SNX22: variants seen among roughly 807,000 people sequenced by gnomAD.
SNX22 encodes sorting nexin 22, also known as sorting nexin-22.
In SNX22, 23 loss-of-function variants were observed where a neutral mutation model predicts 24.7. That is an observed-to-expected ratio of 0.93 (90% CI 0.67 to 1.32). The LOEUF (loss-of-function observed/expected upper bound fraction) is 1.32, where lower values mean the gene tolerates loss of function less well. Ranked by LOEUF, SNX22 falls within the 40% of genes most tolerant of loss-of-function variation. The pLI, the probability that SNX22 is intolerant of heterozygous loss-of-function variation, is 0.00. For synonymous variants in SNX22, 99 were observed against 104.0 expected, an observed-to-expected ratio of 0.95 and a Z score of 0.29; for missense variants, 261 against 249.9, an observed-to-expected ratio of 1.04 and a Z score of -0.30.
rs1402657721 is a variant in SNX22 at position 64,154,817 on chromosome 15, C to T, written c.*309C>T. 8.9e-6 allele frequency: 2 copies of T among 225,976 alleles called. No individual in the cohort carries two copies. The highest frequency in any genetic ancestry group is 8.9e-6 in the Non-Finnish European group (1 of 112,976). The allele number at this position is 225,976 out of a possible 1,614,324, so 14.0% of individuals were successfully genotyped here. On this transcript the variant is annotated 3_prime_UTR_variant, in exon 7 of 7. Transcript: ENST00000325881. ...CTTTGGGAGGCCAAGATGGGTGGAT[C>T]ACCTGAAGTCAGGAGTTCGAGACCA... is the stretch of plus-strand genomic sequence containing the variant.
Position 64,157,052 on chromosome 15 carries a change from T to A in SNX22, c.*2544T>A. 1.1e-6 allele frequency: 1 copy of A among 892,474 alleles called. No individual in the cohort carries two copies. Among genetic ancestry groups the A allele is most frequent in the Non-Finnish European group, 1.7e-6 (1 of 594,364 alleles). The allele number at this position is 892,474 out of a possible 1,614,324, so 55.3% of individuals were successfully genotyped here. On this transcript the variant is annotated 3_prime_UTR_variant, in exon 7 of 7. Coordinates refer to ENST00000325881, the MANE Select transcript of SNX22 (RefSeq NM_024798.3). The surrounding 1 kb of genome is among the most constrained non-coding windows in gnomAD (Gnocchi z 4.2). ...CTACAAGGACATAAAAGCAGCGTCC[T>A]TCCTATCTTCTGGCCTCAGAGCCAA...
rs2081519404 is a variant in SNX22 at position 64,155,248 on chromosome 15, C to A, written c.*740C>A. 6.6e-6 allele frequency: 1 copy of A among 152,214 alleles called. No homozygotes were observed. The highest frequency in any genetic ancestry group is 1.5e-5 in the Non-Finnish European group (1 of 68,280). The allele number at this position is 152,214 out of a possible 1,614,324, so 9.4% of individuals were successfully genotyped here. On this transcript the variant is annotated 3_prime_UTR_variant, in exon 7 of 7. Transcript: ENST00000325881. ...AAAGTGCTGGGATTACGGGCGTGAG[C>A]CACCGTGCTCGGCCCAAGGCAGGAG...
Position 64,155,787 on chromosome 15 carries a change from C to T in SNX22, c.*1279C>T, listed in dbSNP as rs2081524634. ...GGATGTAGGCCTAGGGGAGGTGCTG[C>T]AGGCTCAAGAACCAGGCCCACACAT... On this transcript the variant is annotated 3_prime_UTR_variant, in exon 7 of 7. Coordinates refer to ENST00000325881, the MANE Select transcript of SNX22 (RefSeq NM_024798.3). 2.0e-6 allele frequency: 1 copy of T among 510,250 alleles called. No individual in the cohort carries two copies. Among genetic ancestry groups the T allele is most frequent in the Non-Finnish European group, 3.5e-6 (1 of 287,530 alleles). The allele number at this position is 510,250 out of a possible 1,614,324, so 31.6% of individuals were successfully genotyped here. A position where few individuals can be genotyped will look rare whatever the true frequency, so the allele number is the denominator to read the frequency against.
Position 64,156,481 on chromosome 15 carries a change from TGAA to T in SNX22, c.*1975_*1977del. ...GGGGTGGGACCAGCACGTCACTGAGTGAAGGAGGGGAGGGAGGCTCTGGCAGTT... is the reference window on the plus strand; with the variant it reads ...GGGGTGGGACCAGCACGTCACTGAGTGGAGGGGAGGGAGGCTCTGGCAGTT... On this transcript the variant is annotated 3_prime_UTR_variant, in exon 7 of 7. Transcript: ENST00000325881. This position sits in a 1 kb window ranked among gnomAD's most constrained non-coding sequence, Gnocchi z 6.4. 1.6e-6 allele frequency: 1 copy of T among 626,600 alleles called. No homozygotes were observed. Among genetic ancestry groups the T allele is most frequent in the South Asian group, 1.9e-5 (1 of 53,280 alleles). The allele number at this position is 626,600 out of a possible 1,614,324, so 38.8% of individuals were successfully genotyped here.
In SNX22 at chr15:64,151,735, C is replaced by T. The variant is rs761785659; in HGVS notation, c.-41C>T. On this transcript the variant is annotated 5_prime_UTR_variant, in exon 1 of 7. Transcript: ENST00000325881. ...TCAGTCCGCTCCGGGAGAGTTAGGG[C>T]TCCGAGCCGAGCGCGCGGAGCAGCT... The T allele has an allele frequency of 1.1e-4, 173 of 1,520,358 alleles. No individual in the cohort carries two copies. Among genetic ancestry groups the T allele is most frequent in the Non-Finnish European group, 1.4e-4 (163 of 1,136,812 alleles). 94.2% of individuals were successfully genotyped at this position (1,520,358 alleles called of 1,614,324 possible).
At position 64,154,568 on chromosome 15, in the gene SNX22, C is replaced by T; in HGVS notation, c.*60C>T. On this transcript the variant is annotated 3_prime_UTR_variant, in exon 7 of 7. Coordinates refer to ENST00000325881, the MANE Select transcript of SNX22 (RefSeq NM_024798.3). ...GTCATGTGCCTCTGTCCTATGAACTCCATATAAGGCTGGGTCCTCCTTTGG... is the reference window on the plus strand; with the variant it reads ...GTCATGTGCCTCTGTCCTATGAACTTCATATAAGGCTGGGTCCTCCTTTGG... 1 of 1,587,330 alleles carries T rather than the reference C, an allele frequency of 6.3e-7. No homozygotes were observed. The highest frequency in any genetic ancestry group is 1.1e-5 in the South Asian group (1 of 88,832).
chr15:64,152,190 G>T, intron 1 of SNX22, 53 bp from the exon 2 acceptor site: 1 of 1,349,848 alleles, frequency 7.4e-7, no homozygotes, highest in Non-Finnish European at 9.5e-7. Context: ...AGGTGCTGCG[G>T]CGTCCTCCCG....
In SNX22 at chr15:64,151,809, G is replaced by A; in HGVS notation, c.34G>A (p.Glu12Lys). 1 of 1,538,332 alleles carries A rather than the reference G, an allele frequency of 6.5e-7. No individual in the cohort carries two copies. Among genetic ancestry groups the A allele is most frequent in the Non-Finnish European group, 8.7e-7 (1 of 1,144,360 alleles). Residue 12 changes from glutamate to lysine, a missense_variant, in exon 1 of 7, where the codon GAG becomes AAG. By Grantham distance (56) the Glu-to-Lys change is moderately conservative. Coordinates refer to ENST00000325881, the MANE Select transcript of SNX22 (RefSeq NM_024798.3). ...LEVHIPSVGP[E>K]AEGPRQSPEK... ...AGTTCACATCCCGTCGGTGGGGCCC[G>A]AGGCCGAGGGGCCCAGGCAGAGCCC...
chr15:64,152,860 C>A, intron 3 of SNX22, 118 bp downstream of exon 3: 3 of 809,648 alleles, frequency 3.7e-6, no homozygotes, highest in Non-Finnish European at 4.0e-6. Context: ...TTATTCACCA[C>A]CTCAAGCATC....
At position 64,156,106 on chromosome 15, in the gene SNX22, G is replaced by C; in HGVS notation, c.*1598G>C. 1.9e-6 allele frequency: 3 copies of C among 1,614,180 alleles called. No homozygotes were observed. Among genetic ancestry groups the C allele is most frequent in the Non-Finnish European group, 2.5e-6 (3 of 1,180,032 alleles). On this transcript the variant is annotated 3_prime_UTR_variant, in exon 7 of 7. Transcript: ENST00000325881. This position sits in a 1 kb window ranked among gnomAD's most constrained non-coding sequence, Gnocchi z 6.4. Reference sequence around the variant, plus strand: ...ATCACATCCTTCAGGGGTTTATCCCGGCTGTCTGTCTTGGTGCTCTCCACC... The same window carrying C: ...ATCACATCCTTCAGGGGTTTATCCCCGCTGTCTGTCTTGGTGCTCTCCACC...
rs1206831007 is a variant in SNX22 at position 64,152,283 on chromosome 15, C to G, written c.116C>G (p.Thr39Arg). The G allele has an allele frequency of 3.3e-6, 5 of 1,492,562 alleles. No homozygotes were observed. The East Asian group carries it at 1.3e-4, about 40-fold the overall frequency. The allele number at this position is 1,492,562 out of a possible 1,614,324, so 92.5% of individuals were successfully genotyped here. ...GTGCTGTGCAGCGGGCGCAGACACACGGTGCCAAGGCGCTACAGCGAGTTC... is the reference window on the plus strand; with the variant it reads ...GTGCTGTGCAGCGGGCGCAGACACAGGGTGCCAAGGCGCTACAGCGAGTTC... The part of the protein sequence containing the change: ...VEVLCSGRRH[T>R]VPRRYSEFHA... Residue 39 changes from threonine to arginine, a missense_variant, in exon 2 of 7, where the codon ACG (threonine) becomes AGG (arginine). Coordinates refer to ENST00000325881, the MANE Select transcript of SNX22 (RefSeq NM_024798.3).
chr15:64,151,904 C>T, intron 1 of SNX22, 54 bp downstream of exon 1: 1 of 1,483,432 alleles, frequency 6.7e-7, no homozygotes, highest in Admixed American at 2.1e-5. Flanking sequence ...GATTTCCCCG[C>T]GCTGCGCTCA....
At position 64,156,969 on chromosome 15, in the gene SNX22, CG is replaced by C; in HGVS notation, c.*2465del. ...GATTGCGCCAAACCAAGCAGACATT[CG>C]GGGCCAGGACTGAGGGGGCTTAACC... On this transcript the variant is annotated 3_prime_UTR_variant, in exon 7 of 7. Coordinates refer to ENST00000325881, the MANE Select transcript of SNX22 (RefSeq NM_024798.3). The surrounding 1 kb of genome is among the most constrained non-coding windows in gnomAD (Gnocchi z 6.4). The C allele has an allele frequency of 2.6e-6, 4 of 1,564,544 alleles. 1 individual carries two copies. In the South Asian group the frequency reaches 3.4e-5, roughly 13 times the overall value.
chr15:64,152,423 AC>A, intron 2 of SNX22, 97 bp downstream of exon 2: 1 of 1,319,454 alleles, frequency 7.6e-7, no homozygotes. Context: ...AGCCTCCGCC[AC>A]CCCCATTACT....
chr15:64,152,066 G>A (rs1445050924), intron 1 of SNX22, 177 bp from the exon 2 acceptor site: 4 of 772,302 alleles, frequency 5.2e-6, no homozygotes, highest in Non-Finnish European at 7.6e-6. Flanking sequence ...CGAGGGGCAG[G>A]TCCGCCAGCC....
rs377032173 is a variant in SNX22 at position 64,156,169 on chromosome 15, G to A, written c.*1661G>A. On this transcript the variant is annotated 3_prime_UTR_variant, in exon 7 of 7. Transcript: ENST00000325881. This position sits in a 1 kb window ranked among gnomAD's most constrained non-coding sequence, Gnocchi z 6.4. ...TCCTGGAAAAGAAAGGTGGAAGCAG[G>A]AGGGCATGGTGGATCAGGAGGTCCA... 2 of 1,613,520 alleles carry A rather than the reference G, an allele frequency of 1.2e-6. No individual in the cohort carries two copies. Among genetic ancestry groups the A allele is most frequent in the African/African-American group, 2.7e-5 (2 of 74,920 alleles).
chr15:64,153,089 G>A lies in SNX22; in HGVS notation c.265-156G>A, dbSNP rs1375714451. On this transcript the variant is annotated intron_variant, in intron 3 of 6. Transcript: ENST00000325881. Reference sequence around the variant, plus strand: ...ATGGGGTACAACCTGTGCACACAGCGCCCAGCGCCCAGAAGGGCCCTGAGC... The same window carrying A: ...ATGGGGTACAACCTGTGCACACAGCACCCAGCGCCCAGAAGGGCCCTGAGC... 16 of 867,146 alleles carry A rather than the reference G, an allele frequency of 1.8e-5. 1 individual carries two copies. Among genetic ancestry groups the A allele is most frequent in the Admixed American group, 5.2e-5 (2 of 38,750 alleles). The allele number at this position is 867,146 out of a possible 1,614,324, so 53.7% of individuals were successfully genotyped here.
At position 64,151,807 on chromosome 15, in the gene SNX22, C is replaced by G. The variant is rs1217662677; in HGVS notation, c.32C>G (p.Pro11Arg). 1 of 1,538,208 alleles carries G rather than the reference C, an allele frequency of 6.5e-7. No individual in the cohort carries two copies. Among genetic ancestry groups the G allele is most frequent in the Admixed American group, 2.0e-5 (1 of 50,380 alleles). ...GAAGTTCACATCCCGTCGGTGGGGCCCGAGGCCGAGGGGCCCAGGCAGAGC... is the reference window on the plus strand; with the variant it reads ...GAAGTTCACATCCCGTCGGTGGGGCGCGAGGCCGAGGGGCCCAGGCAGAGC... MLEVHIPSVG[P>R]EAEGPRQSPE... The change falls in exon 1 of 7, where the codon CCC (proline) becomes CGC (arginine). Residue 11 changes from proline to arginine, a missense_variant. Pro to Arg is a moderately radical substitution (Grantham distance 103, BLOSUM62 -2). Coordinates refer to ENST00000325881, the MANE Select transcript of SNX22 (RefSeq NM_024798.3).
At position 64,151,844 on chromosome 15, in the gene SNX22, C is replaced by CT; in HGVS notation, c.69_70insT (p.His24SerfsTer94). 1.3e-6 allele frequency: 2 copies of CT among 1,536,462 alleles called. No homozygotes were observed. Among genetic ancestry groups the CT allele is most frequent in the South Asian group, 1.2e-5 (1 of 82,438 alleles). On this transcript the variant is annotated frameshift_variant, in exon 1 of 7. Transcript: ENST00000325881. LOFTEE classifies it high-confidence loss of function. ...GGCCCAGGCAGAGCCCGGAGAAAAG[C>CT]CACATGGTGAGCGCGGCCCCTGGAT... is the stretch of plus-strand genomic sequence containing the variant.
Sources: allele counts gnomAD v4.1 joint callset, GRCh38; gene constraint gnomAD v4.1.1; non-coding constraint Gnocchi (gnomAD v3.1); transcripts MANE v1.5; gene names NCBI Gene and HGNC (gene_info 2026-07-23, HGNC 2026-07-21).